Variants in PIK3C2G observed in about 807,000 individuals in gnomAD.
PIK3C2G encodes phosphatidylinositol-4-phosphate 3-kinase catalytic subunit type 2 gamma.
A neutral mutation model predicts 181.1 loss-of-function variants in PIK3C2G; 168 were observed. That is an observed-to-expected ratio of 0.93 (90% CI 0.82 to 1.05). The LOEUF is 1.05. PIK3C2G is among the 50% of genes least tolerant of loss of function. PIK3C2G has a pLI of 0.00. For synonymous variants in PIK3C2G, 573 were observed against 592.2 expected (o/e 0.97, Z 0.47); for missense variants, 1,869 against 1,732.8 (o/e 1.08, Z -1.40).
intron 18 of PIK3C2G, among the ~76,000 whole-genome samples, chr12:18,430,808 GC>G (rs1247874317): frequency 6.6e-5 from 10 of 152,164 alleles, no homozygotes; most frequent in African/African-American, 2.4e-4. Context: ...AGTTGATGGA[GC>G]AGCATCTTCT....
chr12:18,621,745 A>G (rs1948874071), intron 31 of PIK3C2G, among the ~76,000 whole-genome samples: 1 of 151,828 alleles, frequency 6.6e-6, no homozygotes, highest in Admixed American at 6.6e-5. Context: ...TTTTTAGAAA[A>G]TAATTATTGA....
intron 24 of PIK3C2G, among the ~76,000 whole-genome samples, chr12:18,525,587 T>C (rs1943179017): frequency 6.6e-6 from 1 of 152,162 alleles, no homozygotes; most frequent in African/African-American, 2.4e-5. Context: ...ACCTGGCCCA[T>C]ACTGTTTTGC....
At chr12:18,633,482 T>A (rs1014392105) in intron 31 of PIK3C2G, among the ~76,000 whole-genome samples, 6 of 152,246 alleles carry the variant, frequency 3.9e-5, no homozygotes, top group African/African-American at 1.4e-4. Context: ...CTGCTGGTCA[T>A]GTTTCTTTAC....
intron 5 of PIK3C2G, among the ~76,000 whole-genome samples, chr12:18,294,610 A>AT (rs1949853719): frequency 6.6e-6 from 1 of 152,022 alleles, no homozygotes; most frequent in Admixed American, 6.6e-5. Context: ...TACTTATTTG[A>AT]TAAAAAAAAA....
chr12:18,343,461 C>A, intron 10 of PIK3C2G, 101 bp downstream of exon 10: 1 of 575,620 alleles, frequency 1.7e-6, no homozygotes, highest in South Asian at 2.0e-5. Context: ...ACTGTGGTAA[C>A]ACACAACACA....
intron 18 of PIK3C2G, among the ~76,000 whole-genome samples, chr12:18,473,308 C>A (rs913551482): frequency 1.3e-5 from 2 of 152,172 alleles, no homozygotes; most frequent in African/African-American, 2.4e-5. Flanking sequence ...TGTTTAATTT[C>A]ACATGCTTGG....
chr12:18,607,941 C>G (rs1166328931), intron 30 of PIK3C2G, among the ~76,000 whole-genome samples: 1 of 152,136 alleles, frequency 6.6e-6, no homozygotes, highest in Non-Finnish European at 1.5e-5. Flanking sequence ...CCAAAAGACA[C>G]ATGAAAAAAT....
At chr12:18,639,595 G>T (rs1949758343) in intron 31 of PIK3C2G, among the ~76,000 whole-genome samples, 1 of 152,116 alleles carries the variant, frequency 6.6e-6, no homozygotes, top group Non-Finnish European at 1.5e-5. Context: ...TTTCTTTCAA[G>T]TATGATGGTT....
rs1360509931 is a variant in PIK3C2G, at chr12:18,474,219, T to A, written c.2505-14230T>A. On this transcript the variant is annotated intron_variant, in intron 18 of 32. Transcript: ENST00000538779. ...TAGCTACTATTGAGATTCAGAGAAG[T>A]TAAGTCAGGGGCCAAAAGTCACACA... 3.3e-5 allele frequency among the ~76,000 whole-genome samples: 5 copies of A among 152,252 alleles called. No individual in the cohort carries two copies. In the East Asian group the frequency reaches 7.7e-4, roughly 24 times the overall value.
intron 18 of PIK3C2G, among the ~76,000 whole-genome samples, chr12:18,471,797 T>C (rs1938487699): frequency 6.6e-6 from 1 of 152,160 alleles, no homozygotes; most frequent in Non-Finnish European, 1.5e-5. Flanking sequence ...CCAATTAAGT[T>C]GTGTGAGTGC....
intron 24 of PIK3C2G, among the ~76,000 whole-genome samples, chr12:18,520,549 A>G (rs906414862): frequency 6.6e-6 from 1 of 151,556 alleles, no homozygotes; most frequent in African/African-American, 2.4e-5. Flanking sequence ...CTTGTGCTGT[A>G]TTTTTCAGCT....
At chr12:18,706,929 C>A in the PIK3C2G span, among the ~76,000 whole-genome samples, 30 of 152,316 alleles carry the variant, frequency 2.0e-4, no homozygotes, top group Middle Eastern at 6.8e-3. Context: ...TAAGGCTGCA[C>A]TCCCTTGGAA....
At chr12:18,562,587 T>C (rs555015197) in intron 26 of PIK3C2G, 116 bp from the exon 27 acceptor site, 3 of 628,144 alleles carry the variant, frequency 4.8e-6, no homozygotes, top group East Asian at 5.5e-5. Flanking sequence ...CAAATAAACA[T>C]ACATGGTTCT....
chr12:18,282,750 G>C lies in PIK3C2G; in HGVS notation c.669G>C (p.Lys223Asn). 1.3e-6 allele frequency: 2 copies of C among 1,587,848 alleles called. No homozygotes were observed. Among genetic ancestry groups the C allele is most frequent in the South Asian group, 2.3e-5 (2 of 87,760 alleles). Residue 223 changes from lysine (K) to asparagine (N), a missense_variant, in exon 2 of 33, where the codon AAG becomes AAC. Lys to Asn is a moderately conservative substitution (Grantham distance 94). Transcript: ENST00000538779. ...GAATGTGGGAAAGTACATGGCAGAA[G>C]AATATAGAGGTAAGTATAATACATG... The part of the protein sequence containing the change: ...QPGMWESTWQ[K>N]NIESIGCSIQ...
chr12:18,479,602 A>G (rs893284331), intron 18 of PIK3C2G, among the ~76,000 whole-genome samples: 4 of 152,196 alleles, frequency 2.6e-5, no homozygotes, highest in Non-Finnish European at 4.4e-5. Context: ...TTCATAAAAG[A>G]ATAAAATTAT....
intron 1 of PIK3C2G, among the ~76,000 whole-genome samples, chr12:18,276,182 C>T (rs1007017611): frequency 6.6e-6 from 1 of 152,124 alleles, no homozygotes; most frequent in South Asian, 2.1e-4. Context: ...CTAGGTTGTA[C>T]TCATGCAGCC....
At chr12:18,696,700 C>T in the PIK3C2G span, among the ~76,000 whole-genome samples, 3 of 151,966 alleles carry the variant, frequency 2.0e-5, no homozygotes, top group African/African-American at 7.3e-5. Flanking sequence ...GGAAGTCACA[C>T]AAAGCTATAC....
the PIK3C2G span, among the ~76,000 whole-genome samples, chr12:18,720,846 A>ATT: frequency 6.6e-6 from 1 of 152,076 alleles, no homozygotes; most frequent in Non-Finnish European, 1.5e-5. Flanking sequence ...AATATGATAC[A>ATT]ATACTAAGCA....
chr12:18,690,340 C>T, the PIK3C2G span, among the ~76,000 whole-genome samples: 1 of 152,110 alleles, frequency 6.6e-6, no homozygotes, highest in Non-Finnish European at 1.5e-5. Context: ...TCTTCTGCCT[C>T]AGCCTCCCAA....
Sources: allele counts gnomAD v4.1 joint callset (sites outside exome capture counted in the v4.1 genomes callset), GRCh38; gene constraint gnomAD v4.1.1; transcripts MANE v1.5; gene names NCBI Gene and HGNC (gene_info 2026-07-23, HGNC 2026-07-21).